SGCZ: variants seen among roughly 807,000 people sequenced by gnomAD.
SGCZ encodes sarcoglycan zeta.
Under a neutral mutation model 41.3 loss-of-function variants are expected in SGCZ, and 40 were observed. The ratio of observed to expected loss-of-function variants is 0.97; its 90% confidence interval spans 0.75 to 1.26. The LOEUF (loss-of-function observed/expected upper bound fraction) is 1.26, where lower values mean the gene tolerates loss of function less well. SGCZ is among the 50% of genes most tolerant of loss of function. The pLI is 0.00. For synonymous variants in SGCZ, 206 were observed against 137.5 expected (o/e 1.50, Z -3.49); for missense variants, 552 against 369.8 (o/e 1.49, Z -4.04).
At chr8:14,174,020 A>G (rs1804468622) in intron 4 of SGCZ, among the ~76,000 whole-genome samples, 1 of 152,120 alleles carries the variant, frequency 6.6e-6, no homozygotes, top group Non-Finnish European at 1.5e-5. Flanking sequence ...TTAAAAAGCT[A>G]CTTTGTAATG....
intron 1 of SGCZ, among the ~76,000 whole-genome samples, chr8:14,988,583 G>A (rs927303183): frequency 3.3e-5 from 5 of 151,646 alleles, no homozygotes; most frequent in African/African-American, 1.2e-4. Flanking sequence ...TCATTTCTAT[G>A]CAGCTGATGA....
At chr8:14,098,561 A>G (rs1407447848) in intron 7 of SGCZ, among the ~76,000 whole-genome samples, 1 of 152,176 alleles carries the variant, frequency 6.6e-6, no homozygotes, top group Non-Finnish European at 1.5e-5. Flanking sequence ...TGCAGAGGAA[A>G]GGCATCCTCA....
chr8:14,669,092 TG>T (rs941039556), intron 1 of SGCZ, among the ~76,000 whole-genome samples: 1 of 151,984 alleles, frequency 6.6e-6, no homozygotes, highest in African/African-American at 2.4e-5. Flanking sequence ...CCCAGCATTT[TG>T]GGAGGCTTAG....
intron 3 of SGCZ, among the ~76,000 whole-genome samples, chr8:14,299,150 C>G (rs1325806077): frequency 6.6e-6 from 1 of 151,956 alleles, no homozygotes; most frequent in African/African-American, 2.4e-5. Context: ...CAATCACCCT[C>G]AAACCATGCA....
chr8:15,056,619 T>C (rs747297144), intron 1 of SGCZ, among the ~76,000 whole-genome samples: 5 of 152,140 alleles, frequency 3.3e-5, no homozygotes, highest in Non-Finnish European at 7.3e-5. Context: ...TTTGTAACTG[T>C]ATTTTAATCT....
At chr8:14,200,227 G>A (rs2117067980) in intron 4 of SGCZ, among the ~76,000 whole-genome samples, 1 of 152,220 alleles carries the variant, frequency 6.6e-6, no homozygotes, top group Non-Finnish European at 1.5e-5. Flanking sequence ...CTAAATAAAT[G>A]GTGGGATAGA....
chr8:15,091,468 G>T (rs2131063288), intron 1 of SGCZ, among the ~76,000 whole-genome samples: 1 of 152,314 alleles, frequency 6.6e-6, no homozygotes, highest in East Asian at 1.9e-4. Context: ...TCAATGCCAT[G>T]TAAGATTTTA....
chr8:14,495,119 A>T, intron 2 of SGCZ, among the ~76,000 whole-genome samples: 1 of 152,124 alleles, frequency 6.6e-6, no homozygotes, highest in Non-Finnish European at 1.5e-5. Context: ...AGGAATGTGG[A>T]TTCAGTACCA....
At chr8:14,744,966 G>C (rs1799300757) in intron 1 of SGCZ, among the ~76,000 whole-genome samples, 1 of 152,104 alleles carries the variant, frequency 6.6e-6, no homozygotes, top group Non-Finnish European at 1.5e-5. Flanking sequence ...TCTCCTTGAA[G>C]GAATGTTTTA....
intron 2 of SGCZ, among the ~76,000 whole-genome samples, chr8:14,536,484 C>A (rs1307769841): frequency 1.3e-5 from 2 of 151,310 alleles, no homozygotes; most frequent in East Asian, 3.9e-4. Flanking sequence ...TGCTTCAGAT[C>A]AAATAAAACC....
intron 1 of SGCZ, among the ~76,000 whole-genome samples, chr8:14,671,875 C>A (rs1438566156): frequency 6.6e-6 from 1 of 152,052 alleles, no homozygotes; most frequent in Non-Finnish European, 1.5e-5. Context: ...TGGAATATGT[C>A]TTCCCAACAT....
chr8:14,715,113 G>A (rs754025188), intron 1 of SGCZ, among the ~76,000 whole-genome samples: 1 of 152,092 alleles, frequency 6.6e-6, no homozygotes, highest in Non-Finnish European at 1.5e-5. Flanking sequence ...ACTTGTCTAC[G>A]ATGCATATTC....
At chr8:14,477,740 C>T (rs1364986330) in intron 2 of SGCZ, among the ~76,000 whole-genome samples, 3 of 152,132 alleles carry the variant, frequency 2.0e-5, no homozygotes, top group Non-Finnish European at 2.9e-5. Flanking sequence ...ATCTTAAGTT[C>T]ACACATGTAA....
chr8:14,138,936 C>T (rs994188215), intron 5 of SGCZ, among the ~76,000 whole-genome samples: 12 of 151,946 alleles, frequency 7.9e-5, no homozygotes, highest in East Asian at 1.9e-4. Context: ...ACCACATAGC[C>T]GAAAGTATAG....
chr8:14,471,559 C>T (rs141324791), intron 2 of SGCZ, among the ~76,000 whole-genome samples: 73 of 152,136 alleles, frequency 4.8e-4, no homozygotes, highest in African/African-American at 1.7e-3. Flanking sequence ...TGAATTTCCT[C>T]AAATAAGGAT....
At chr8:14,698,614 C>T (rs552639881) in intron 1 of SGCZ, among the ~76,000 whole-genome samples, 3 of 151,796 alleles carry the variant, frequency 2.0e-5, no homozygotes, top group African/African-American at 7.2e-5. Context: ...ATGTTTTCTG[C>T]ATTTAGCATA....
rs144144593 is a variant in SGCZ at position 14,630,224 on chromosome 8, A to G, written c.40-75298T>C. 3.5e-5 allele frequency among the ~76,000 whole-genome samples: 5 copies of G among 144,372 alleles called. 1 individual carries two copies. In the South Asian group the frequency reaches 1.1e-3, roughly 32 times the overall value. The allele number at this position is 144,372 out of a possible 152,430, so 94.7% of individuals were successfully genotyped here. On this transcript the variant is annotated intron_variant, in intron 1 of 7. Coordinates refer to ENST00000382080, the MANE Select transcript of SGCZ (RefSeq NM_139167.4). ...TACAAATTCATCAAAGTTATTTTTC[A>G]CATGTGTTTTGATTTTTTTTTTTTG...
intron 1 of SGCZ, among the ~76,000 whole-genome samples, chr8:15,125,872 G>A (rs1807659267): frequency 6.6e-6 from 1 of 152,312 alleles, no homozygotes; most frequent in Non-Finnish European, 1.5e-5. Flanking sequence ...AGGGTCGGGT[G>A]CAGTGGCTCA....
chr8:15,180,916 G>A (rs13269086), intron 1 of SGCZ, among the ~76,000 whole-genome samples: 2 of 151,142 alleles, frequency 1.3e-5, no homozygotes, highest in African/African-American at 4.9e-5. Context: ...AAAAAGACAG[G>A]ATACCAGCAC....
Sources: gnomAD v4.1 joint callset for allele counts (sites outside exome capture counted in the v4.1 genomes callset) on GRCh38, gnomAD v4.1.1 for gene constraint, MANE v1.5 for transcripts, NCBI Gene and HGNC (gene_info 2026-07-23, HGNC 2026-07-21) for gene names.